The following CNNM2 variants were observed in gnomAD, a reference collection of about 807,000 sequenced individuals.
CNNM2 encodes cyclin and CBS domain divalent metal cation transport mediator 2.
CNNM2 carries 12 observed loss-of-function variants against 66.9 expected under a neutral mutation model. The ratio of observed to expected loss-of-function variants is 0.18; its 90% confidence interval spans 0.11 to 0.29. The LOEUF is 0.29. Among genes scored for constraint, CNNM2 ranks in the 10% least tolerant of loss-of-function variants. The pLI is 1.00. For synonymous variants in CNNM2, 557 were observed against 501.8 expected, an observed-to-expected ratio of 1.11 and a Z score of -1.47; for missense variants, 705 against 1,167.7, an observed-to-expected ratio of 0.60 and a Z score of 5.77.
chr10:102,938,451 G>GA lies in CNNM2; in HGVS notation c.1621+18350_1621+18351insA, dbSNP rs199970921. ...AGAGCAACGCTCTGTCTCAAAAAATGGAAAAAAAAAAAGAAAAAATTAGCT... is the reference window on the plus strand; with the variant it reads ...AGAGCAACGCTCTGTCTCAAAAAATGAGAAAAAAAAAAAGAAAAAATTAGCT... On this transcript the variant is annotated intron_variant, in intron 1 of 7. Transcript: ENST00000369878. Among the ~76,000 whole-genome samples, 624 of 139,896 alleles carry GA rather than the reference G, an allele frequency of 4.5e-3. 19 individuals carry two copies. The East Asian group carries it at 0.073, about 16-fold the overall frequency. The allele number at this position is 139,896 out of a possible 152,430, so 91.8% of individuals were successfully genotyped here. A position where few individuals can be genotyped will look rare whatever the true frequency, so the allele number is the denominator to read the frequency against.
chr10:102,927,626 G>A (rs562988059), intron 1 of CNNM2: 582 of 518,644 alleles, frequency 1.1e-3, no homozygotes, highest in African/African-American at 7.9e-3. Flanking sequence ...TTAGCTGTGC[G>A]TGGTGGTGGG....
intron 1 of CNNM2, among the ~76,000 whole-genome samples, chr10:102,939,661 A>G (rs2134176586): frequency 6.6e-6 from 1 of 152,160 alleles, no homozygotes; most frequent in Middle Eastern, 3.4e-3. Flanking sequence ...TCTTTAATCC[A>G]TAAGCATGTA....
At chr10:103,055,880 T>C (rs2134340652) in intron 3 of CNNM2, among the ~76,000 whole-genome samples, 1 of 152,098 alleles carries the variant, frequency 6.6e-6, no homozygotes, top group East Asian at 1.9e-4. Context: ...GGCAGGCTGA[T>C]TGCTTGAGAC....
In CNNM2 at chr10:103,090,086, C is replaced by T; in HGVS notation, c.*12906C>T. Reference sequence around the variant, plus strand: ...TTATAGTTGCCTGTCTTCCTCTCTCCCTGCCCCTCAAAATGGTGCCCATAT... The same window carrying T: ...TTATAGTTGCCTGTCTTCCTCTCTCTCTGCCCCTCAAAATGGTGCCCATAT... On this transcript the variant is annotated 3_prime_UTR_variant, in exon 8 of 8. Transcript: ENST00000369878. 2.0e-6 allele frequency: 1 copy of T among 489,408 alleles called. No homozygotes were observed. Among genetic ancestry groups the T allele is most frequent in the East Asian group, 3.2e-5 (1 of 31,456 alleles). The allele number at this position is 489,408 out of a possible 1,614,324, so 30.3% of individuals were successfully genotyped here.
At chr10:102,986,947 A>G (rs982698624) in intron 1 of CNNM2, among the ~76,000 whole-genome samples, 7 of 152,172 alleles carry the variant, frequency 4.6e-5, no homozygotes, top group African/African-American at 1.7e-4. Context: ...TGATTCAAGT[A>G]TAAATTTCAG....
intron 1 of CNNM2, among the ~76,000 whole-genome samples, chr10:102,956,790 G>A (rs575704432): frequency 3.6e-4 from 55 of 152,146 alleles, no homozygotes; most frequent in African/African-American, 1.3e-3. Flanking sequence ...TGGACACAGG[G>A]CGGGGAACAA....
chr10:102,994,935 C>T (rs148913263), intron 1 of CNNM2, among the ~76,000 whole-genome samples: 2 of 152,282 alleles, frequency 1.3e-5, no homozygotes, highest in East Asian at 3.9e-4. Flanking sequence ...TGGTACAGAG[C>T]AGACGACCTA....
intron 1 of CNNM2, among the ~76,000 whole-genome samples, chr10:102,943,436 A>G (rs1000166323): frequency 1.3e-5 from 2 of 152,062 alleles, no homozygotes; most frequent in African/African-American, 2.4e-5. Flanking sequence ...GCAAAACCCC[A>G]TCTCTAAAAC....
At chr10:103,029,948 C>T (rs2064792385) in intron 1 of CNNM2, among the ~76,000 whole-genome samples, 1 of 151,874 alleles carries the variant, frequency 6.6e-6, no homozygotes, top group African/African-American at 2.4e-5. Context: ...CCAATGAAGG[C>T]TTTGTGGGAA....
In CNNM2 at chr10:103,003,116, CT is replaced by C. The variant is rs34041397; in HGVS notation, c.1622-46576del. Among the ~76,000 whole-genome samples, 23 of 141,944 alleles carry C rather than the reference CT, an allele frequency of 1.6e-4. No homozygotes were observed. The highest frequency in any genetic ancestry group is 1.7e-4 in the Non-Finnish European group (11 of 65,562). The allele number at this position is 141,944 out of a possible 152,430, so 93.1% of individuals were successfully genotyped here. A position where few individuals can be genotyped will look rare whatever the true frequency, so the allele number is the denominator to read the frequency against. On this transcript the variant is annotated intron_variant, in intron 1 of 7. Coordinates refer to ENST00000369878, the MANE Select transcript of CNNM2 (RefSeq NM_017649.5). ...CATACATGCTATAACATGTGTGAAT[CT>C]TTTTTTTTTTTTTTAATAGGAGTCT...
intron 2 of CNNM2, 128 bp downstream of exon 2, chr10:103,049,978 C>A: frequency 1.2e-6 from 1 of 832,640 alleles, no homozygotes; most frequent in Non-Finnish European, 1.8e-6. Flanking sequence ...GTAGGCCGTG[C>A]ACAACCTGTT....
rs755571314 is a variant in CNNM2 at position 103,068,675 on chromosome 10, C to T, written c.2120C>T (p.Ala707Val). 10 of 1,613,168 alleles carry T rather than the reference C, an allele frequency of 6.2e-6. No individual in the cohort carries two copies. Among genetic ancestry groups the T allele is most frequent in the South Asian group, 3.3e-5 (3 of 90,736 alleles). ...EAGKEGMKFE[A>V]SAFSYYGVMA... ...GGGAAAGAAGGTATGAAGTTTGAAG[C>T]GAGCGCCTTCTCATACTATGGCGTG... is the stretch of plus-strand genomic sequence containing the variant. The change falls in exon 5 of 8, where the codon GCG (alanine) becomes GTG (valine). Residue 707 changes from alanine (A) to valine (V), a missense_variant. Transcript: ENST00000369878.
At chr10:102,963,137 AT>A (rs1261997455) in intron 1 of CNNM2, among the ~76,000 whole-genome samples, 3 of 152,190 alleles carry the variant, frequency 2.0e-5, no homozygotes, top group Non-Finnish European at 4.4e-5. Context: ...CTTTGGCACA[AT>A]TTCATCAATT....
chr10:102,983,620 G>T (rs1175786853), intron 1 of CNNM2, among the ~76,000 whole-genome samples: 1 of 151,908 alleles, frequency 6.6e-6, no homozygotes, highest in Non-Finnish European at 1.5e-5. Context: ...TTAAATTTTT[G>T]TGTAGAGACA....
At chr10:103,056,639 T>C in intron 3 of CNNM2, 156 bp from the exon 4 acceptor site, 1 of 678,108 alleles carries the variant, frequency 1.5e-6, no homozygotes, top group Non-Finnish European at 2.5e-6. Context: ...TCCCAGGTAA[T>C]CTGTCCCCAG....
intron 1 of CNNM2, among the ~76,000 whole-genome samples, chr10:103,038,262 T>A (rs1031850689): frequency 5.9e-5 from 9 of 152,186 alleles, no homozygotes; most frequent in Non-Finnish European, 1.2e-4. Context: ...CCTAGATTAG[T>A]TTTTCTCAAT....
At chr10:102,959,214 C>T (rs939086371) in intron 1 of CNNM2, among the ~76,000 whole-genome samples, 4 of 151,566 alleles carry the variant, frequency 2.6e-5, no homozygotes, top group East Asian at 2.0e-4. Context: ...TTACAGGCCT[C>T]GGCCACTGTG....
In CNNM2 at chr10:103,090,126, G is replaced by A. The variant is rs2066340752; in HGVS notation, c.*12946G>A. ...GGTGCCCATATTGTCTACTGCAGCT[G>A]GAAATTGGAAAAGATGGAGAGGGGA... On this transcript the variant is annotated 3_prime_UTR_variant, in exon 8 of 8. Transcript: ENST00000369878. 4.6e-6 allele frequency: 2 copies of A among 438,822 alleles called. No individual in the cohort carries two copies. The highest frequency in any genetic ancestry group is 1.4e-4 in the South Asian group (2 of 14,758). 27.2% of individuals were successfully genotyped at this position (438,822 alleles called of 1,614,324 possible).
chr10:103,041,825 C>T (rs2065045217), intron 1 of CNNM2, among the ~76,000 whole-genome samples: 1 of 152,256 alleles, frequency 6.6e-6, no homozygotes, highest in South Asian at 2.1e-4. Context: ...TCTCAAGTCT[C>T]TCTTTGGTTC....
Sources: allele counts gnomAD v4.1 joint callset (sites outside exome capture counted in the v4.1 genomes callset), GRCh38; gene constraint gnomAD v4.1.1; transcripts MANE v1.5; gene names NCBI Gene and HGNC (gene_info 2026-07-23, HGNC 2026-07-21).